Variants in CACNA2D3 observed in about 807,000 individuals in gnomAD.
The protein encoded by CACNA2D3 is calcium voltage-gated channel auxiliary subunit alpha2delta 3.
In CACNA2D3, 60 loss-of-function variants were observed where a neutral mutation model predicts 160.6. The ratio of observed to expected loss-of-function variants is 0.37; its 90% CI spans 0.30 to 0.46. The LOEUF is 0.46. Ranked by LOEUF, CACNA2D3 falls within the 20% of genes least tolerant of loss-of-function variation. CACNA2D3 has a pLI of 1.00. For synonymous variants in CACNA2D3, 558 were observed against 492.9 expected (o/e 1.13, Z -1.75); for missense variants, 1,205 against 1,365.0 (o/e 0.88, Z 1.85).
chr3:54,526,063 A>G (rs894532838), intron 5 of CACNA2D3, among the ~76,000 whole-genome samples: 1 of 151,418 alleles, frequency 6.6e-6, no homozygotes, highest in East Asian at 1.9e-4. Flanking sequence ...TCTATCTTCA[A>G]GTTTGTTAAT....
intron 3 of CACNA2D3, among the ~76,000 whole-genome samples, chr3:54,382,280 C>G (rs1277801616): frequency 6.6e-6 from 1 of 152,104 alleles, no homozygotes; most frequent in South Asian, 2.1e-4. Flanking sequence ...TATATAATAA[C>G]TAAAATATTA....
intron 10 of CACNA2D3, among the ~76,000 whole-genome samples, chr3:54,630,043 T>C (rs1699200893): frequency 6.6e-6 from 1 of 152,182 alleles, no homozygotes; most frequent in Middle Eastern, 3.2e-3. Context: ...TTTAAGGTAA[T>C]GGTAGCAAAG....
At chr3:54,803,859 G>A (rs1053113848) in intron 13 of CACNA2D3, among the ~76,000 whole-genome samples, 3 of 152,068 alleles carry the variant, frequency 2.0e-5, no homozygotes, top group Admixed American at 6.6e-5. Context: ...CGGATCTCTC[G>A]GCAGAAACTC....
chr3:54,283,842 C>A (rs925745511), intron 2 of CACNA2D3, among the ~76,000 whole-genome samples: 1 of 152,104 alleles, frequency 6.6e-6, no homozygotes, highest in African/African-American at 2.4e-5. Flanking sequence ...GCAGGTGAAT[C>A]ACTTGAGGTC....
At chr3:54,771,140 C>G (rs1022779349) in intron 13 of CACNA2D3, among the ~76,000 whole-genome samples, 2 of 152,044 alleles carry the variant, frequency 1.3e-5, no homozygotes, top group African/African-American at 2.4e-5. Flanking sequence ...GCTGTGTACT[C>G]CAAGAAGGAG....
intron 4 of CACNA2D3, among the ~76,000 whole-genome samples, chr3:54,457,252 T>A (rs1226996520): frequency 6.6e-6 from 1 of 152,036 alleles, no homozygotes; most frequent in Non-Finnish European, 1.5e-5. Flanking sequence ...TTTTGGTATG[T>A]TGTGTTTCTG....
rs777617424 is a variant in CACNA2D3 at position 54,987,783 on chromosome 3, C to T, written c.2690+30C>T. On this transcript the variant is annotated intron_variant, in intron 31 of 37. Coordinates refer to ENST00000474759, the MANE Select transcript of CACNA2D3 (RefSeq NM_018398.3). ...GGGTTTTATGGTCCACTGCATTCCC[C>T]CCAAAAGTTTTCCTAAATAAAATAA... 1.6e-5 allele frequency: 24 copies of T among 1,519,066 alleles called. No individual in the cohort carries two copies. In the African/African-American group the frequency reaches 3.1e-4, roughly 20 times the overall value. The allele number at this position is 1,519,066 out of a possible 1,614,324, so 94.1% of individuals were successfully genotyped here. A position where few individuals can be genotyped will look rare whatever the true frequency, so the allele number is the denominator to read the frequency against.
At chr3:55,038,864 C>CTATATATATA (rs10576329) in intron 35 of CACNA2D3, among the ~76,000 whole-genome samples, 155 of 99,042 alleles carry the variant, frequency 1.6e-3, no homozygotes, top group East Asian at 3.1e-3. Context: ...AGCCAGGATG[C>CTATATATATA]TATATATATA....
At chr3:54,149,603 CAG>C (rs1345211485) in intron 2 of CACNA2D3, among the ~76,000 whole-genome samples, 4 of 152,262 alleles carry the variant, frequency 2.6e-5, no homozygotes, top group Admixed American at 2.6e-4. Flanking sequence ...AGGAAGGAGA[CAG>C]GGGACCCTCT....
At chr3:54,163,535 G>A (rs881700) in intron 2 of CACNA2D3, among the ~76,000 whole-genome samples, 79,390 of 152,010 alleles carry the variant, frequency 0.52, 21,292 homozygotes, top group African/African-American at 0.64. Flanking sequence ...TCCTGCTCGC[G>A]TTTCATTAGT....
chr3:54,646,186 C>CCTTGCTTG (rs1474746714), intron 11 of CACNA2D3, among the ~76,000 whole-genome samples: 1 of 6,470 alleles, frequency 1.5e-4, no homozygotes, highest in Non-Finnish European at 4.1e-4. Context: ...CTCCCTCCCT[C>CCTTGCTTG]CTTCCTTGCT....
At chr3:54,445,775 A>C (rs1213761205) in intron 4 of CACNA2D3, among the ~76,000 whole-genome samples, 1 of 152,172 alleles carries the variant, frequency 6.6e-6, no homozygotes, top group Non-Finnish European at 1.5e-5. Context: ...TCCATCCAAC[A>C]AAAACAGAAA....
At chr3:54,133,651 T>A (rs945531000) in intron 2 of CACNA2D3, among the ~76,000 whole-genome samples, 1 of 152,022 alleles carries the variant, frequency 6.6e-6, no homozygotes, top group Non-Finnish European at 1.5e-5. Context: ...GCCCTCTAGC[T>A]TTCTATACTT....
At chr3:54,866,589 T>A (rs1181720870) in intron 17 of CACNA2D3, among the ~76,000 whole-genome samples, 1 of 152,210 alleles carries the variant, frequency 6.6e-6, no homozygotes, top group East Asian at 1.9e-4. Context: ...ACACACAATA[T>A]TTGTTCCACA....
At chr3:54,632,905 C>T (rs549669413) in intron 10 of CACNA2D3, 20 of 152,240 alleles carry the variant, frequency 1.3e-4, no homozygotes, top group African/African-American at 4.8e-4. Context: ...GAATAGTGGT[C>T]GCGTGGAAAG....
At chr3:54,691,365 A>G (rs1216384408) in intron 11 of CACNA2D3, among the ~76,000 whole-genome samples, 1 of 152,196 alleles carries the variant, frequency 6.6e-6, no homozygotes, top group Non-Finnish European at 1.5e-5. Context: ...GGACTTCCCA[A>G]TGGCTCGAAG....
chr3:54,513,552 T>G (rs1346354033), intron 5 of CACNA2D3, among the ~76,000 whole-genome samples: 1 of 152,164 alleles, frequency 6.6e-6, no homozygotes, highest in Non-Finnish European at 1.5e-5. Context: ...AAGTGGGCAA[T>G]CAGCATGCAA....
chr3:54,405,206 T>G (rs1287172756), intron 4 of CACNA2D3, among the ~76,000 whole-genome samples: 1 of 140,954 alleles, frequency 7.1e-6, no homozygotes, highest in Non-Finnish European at 1.5e-5. Flanking sequence ...TTCACATAAA[T>G]GTAAAAACCC....
At chr3:54,716,784 T>C (rs1399632056) in intron 11 of CACNA2D3, among the ~76,000 whole-genome samples, 1 of 152,178 alleles carries the variant, frequency 6.6e-6, no homozygotes, top group African/African-American at 2.4e-5. Context: ...CCTTTGGGCA[T>C]AGTGAATTTG....
Sources: allele counts gnomAD v4.1 joint callset (sites outside exome capture counted in the v4.1 genomes callset), GRCh38; gene constraint gnomAD v4.1.1; transcripts MANE v1.5; gene names NCBI Gene and HGNC (gene_info 2026-07-23, HGNC 2026-07-21).